Variants in ADAMTSL3 observed in about 807,000 individuals in gnomAD.
ADAMTSL3 encodes the protein ADAMTS like 3, also known as ADAMTS-like protein 3.
ADAMTSL3 carries 128 observed loss-of-function variants against 201.7 expected under a neutral mutation model. That is an observed-to-expected ratio of 0.63 (90% CI 0.55 to 0.73). ADAMTSL3 has a LOEUF of 0.73. ADAMTSL3 is among the 30% of genes least tolerant of loss of function. The pLI, the probability that ADAMTSL3 is intolerant of heterozygous loss-of-function variation, is 0.00. For missense variants in ADAMTSL3, 1,990 were observed against 2,119.6 expected, an observed-to-expected ratio of 0.94 and a Z score of 1.20; for synonymous variants, 738 against 748.4, an observed-to-expected ratio of 0.99 and a Z score of 0.23.
rs563781153 is a variant in ADAMTSL3, at chr15:83,757,208, C to T, written c.190-16315C>T. 4.6e-5 allele frequency among the ~76,000 whole-genome samples: 7 copies of T among 152,368 alleles called. No homozygotes were observed. In the East Asian group the frequency reaches 1.3e-3, roughly 29 times the overall value. On this transcript the variant is annotated intron_variant, in intron 3 of 29. Transcript: ENST00000286744. ...CCCCAAATTTCCCTTCTTCACTGCC[C>T]TAGCAGAGGTTCTCCATGAGGGCTT...
chr15:83,805,691 T>A (rs2063592336), intron 5 of ADAMTSL3, among the ~76,000 whole-genome samples: 1 of 152,196 alleles, frequency 6.6e-6, no homozygotes, highest in Non-Finnish European at 1.5e-5. Context: ...TGCCTCTTCA[T>A]ACACAAAAAG....
intron 13 of ADAMTSL3, among the ~76,000 whole-genome samples, chr15:83,895,818 G>A (rs2065601771): frequency 6.6e-6 from 1 of 152,054 alleles, no homozygotes; most frequent in Non-Finnish European, 1.5e-5. Context: ...GGGTAGGTGA[G>A]TCAATTTTCC....
At chr15:83,832,179 T>C (rs1487639292) in intron 6 of ADAMTSL3, among the ~76,000 whole-genome samples, 1 of 152,138 alleles carries the variant, frequency 6.6e-6, no homozygotes, top group East Asian at 1.9e-4. Flanking sequence ...CATCTTTTTT[T>C]GCCTGCAGTC....
At chr15:83,726,643 A>G (rs1051952882) in intron 3 of ADAMTSL3, among the ~76,000 whole-genome samples, 19 of 152,154 alleles carry the variant, frequency 1.2e-4, no homozygotes, top group Non-Finnish European at 2.6e-4. Context: ...TCCAGCATCA[A>G]TTGAAATCAT....
intron 2 of ADAMTSL3, among the ~76,000 whole-genome samples, chr15:83,666,840 C>T (rs557835926): frequency 6.7e-6 from 1 of 148,234 alleles, no homozygotes; most frequent in East Asian, 2.0e-4. Flanking sequence ...AAGACCCTGT[C>T]TCAAGAAAAA....
At chr15:83,656,486 G>A (rs1206737574) in intron 2 of ADAMTSL3, among the ~76,000 whole-genome samples, 2 of 152,184 alleles carry the variant, frequency 1.3e-5, no homozygotes, top group Admixed American at 6.5e-5. Flanking sequence ...TTGCTAAGTG[G>A]AGACATAAGC....
chr15:83,708,394 G>A (rs1057400408), intron 3 of ADAMTSL3, among the ~76,000 whole-genome samples: 4 of 152,184 alleles, frequency 2.6e-5, no homozygotes, highest in Non-Finnish European at 4.4e-5. Flanking sequence ...TGTCTCCTGG[G>A]TTAGATGCCT....
intron 17 of ADAMTSL3, among the ~76,000 whole-genome samples, chr15:83,939,351 T>C (rs1367552054): frequency 2.0e-5 from 3 of 152,194 alleles, no homozygotes; most frequent in African/African-American, 7.2e-5. Flanking sequence ...TTATTTTAGA[T>C]ACTTTAAATA....
At chr15:83,922,932 G>A (rs1485736706) in intron 16 of ADAMTSL3, among the ~76,000 whole-genome samples, 1 of 152,120 alleles carries the variant, frequency 6.6e-6, no homozygotes, top group African/African-American at 2.4e-5. Context: ...GTTTGTTTGT[G>A]ACTTTTTAAT....
At chr15:83,999,945 T>C (rs1355012386) in intron 23 of ADAMTSL3, among the ~76,000 whole-genome samples, 3 of 152,166 alleles carry the variant, frequency 2.0e-5, no homozygotes, top group Non-Finnish European at 4.4e-5. Flanking sequence ...TTCCTAAACA[T>C]GGTCTCATTG....
At chr15:83,693,890 G>T (rs553570318) in intron 2 of ADAMTSL3, among the ~76,000 whole-genome samples, 2 of 152,294 alleles carry the variant, frequency 1.3e-5, no homozygotes, top group Admixed American at 6.5e-5. Flanking sequence ...TGAACCCCAA[G>T]AATTAACCTA....
At chr15:83,798,956 C>T (rs2141846180) in intron 4 of ADAMTSL3, among the ~76,000 whole-genome samples, 1 of 152,118 alleles carries the variant, frequency 6.6e-6, no homozygotes, top group Admixed American at 6.5e-5. Flanking sequence ...TCACTCATTC[C>T]TGCTCCCCAC....
rs148548737 is a variant in ADAMTSL3, at chr15:84,031,415, C to G, written c.4737C>G (p.Asn1579Lys). 1.3e-3 allele frequency: 2,097 copies of G among 1,614,108 alleles called. 39 individuals are homozygous for G. The South Asian group carries it at 0.017, about 13-fold the overall frequency. ...GTCAACACAACAGCTCTGACTCCAA[C>G]TGTGATGACAGAAAGAGGTAGGGGC... is the stretch of plus-strand genomic sequence containing the variant. ...TACQHNSSDS[N>K]CDDRKRPTLR... The change falls in exon 28 of 30, where the codon AAC (asparagine) becomes AAG (lysine). Residue 1579 changes from asparagine (N) to lysine (K), a missense_variant. Physicochemically the swap from Asn to Lys is moderately conservative, Grantham distance 94 (BLOSUM62 0). Transcript: ENST00000286744.
intron 6 of ADAMTSL3, among the ~76,000 whole-genome samples, chr15:83,832,127 T>G (rs764445387): frequency 3.9e-5 from 6 of 152,076 alleles, no homozygotes; most frequent in Admixed American, 2.6e-4. Context: ...GAAGGTGAGA[T>G]ATTGTTTGAT....
chr15:83,945,426 C>T (rs1255111718), intron 19 of ADAMTSL3, among the ~76,000 whole-genome samples: 1 of 152,156 alleles, frequency 6.6e-6, no homozygotes, highest in Non-Finnish European at 1.5e-5. Context: ...AATTTTCCTC[C>T]TACTTGCACA....
In ADAMTSL3 at chr15:83,654,636, T is replaced by C. The variant is rs1243343890; in HGVS notation, c.-34+360T>C. 1.3e-5 allele frequency among the ~76,000 whole-genome samples: 2 copies of C among 152,112 alleles called. No individual in the cohort carries two copies. The highest frequency in any genetic ancestry group is 3.9e-4 in the East Asian group (2 of 5,120). On this transcript the variant is annotated intron_variant, in intron 1 of 29. Coordinates refer to ENST00000286744, the MANE Select transcript of ADAMTSL3 (RefSeq NM_207517.3). The surrounding 1 kb of genome is among the most constrained non-coding windows in gnomAD (Gnocchi z 5.3). The stretch of plus-strand genomic sequence containing the variant: ...TCCGAAGGTCCGGCCGGTTGACCAC[T>C]GGGTAGCGAGCGCCCAGAACGCCGG...
intron 15 of ADAMTSL3, among the ~76,000 whole-genome samples, chr15:83,904,542 A>G (rs907341447): frequency 6.6e-6 from 1 of 152,316 alleles, no homozygotes; most frequent in Non-Finnish European, 1.5e-5. Context: ...GAATTTACAT[A>G]GGGAGCGGAT....
intron 25 of ADAMTSL3, among the ~76,000 whole-genome samples, chr15:84,017,331 A>G (rs1029644645): frequency 3.9e-5 from 6 of 152,048 alleles, no homozygotes; most frequent in African/African-American, 9.7e-5. Context: ...GTTAGCCAGG[A>G]TGATCTCGAT....
chr15:83,695,808 G>C (rs1311189037), intron 2 of ADAMTSL3, among the ~76,000 whole-genome samples: 2 of 152,126 alleles, frequency 1.3e-5, no homozygotes, highest in Non-Finnish European at 2.9e-5. Context: ...GGACACTTAA[G>C]ACTGAAAAGT....
Sources: gnomAD v4.1 joint callset for allele counts (sites outside exome capture counted in the v4.1 genomes callset) on GRCh38, gnomAD v4.1.1 for gene constraint, Gnocchi (gnomAD v3.1) non-coding constraint, MANE v1.5 for transcripts, NCBI Gene and HGNC (gene_info 2026-07-23, HGNC 2026-07-21) for gene names.